The following ADK variants were observed in gnomAD, a reference collection of about 807,000 sequenced individuals.
ADK encodes adenosine kinase.
Under a neutral mutation model 44.7 loss-of-function variants are expected in ADK, and 24 were observed. The observed-to-expected ratio is 0.54, with a 90% CI of 0.39 to 0.76. ADK has a LOEUF of 0.76. Among genes scored for constraint, ADK ranks in the 30% least tolerant of loss-of-function variants. The pLI is 0.00. For missense variants in ADK, 321 were observed against 425.1 expected (o/e 0.76, Z 2.15); for synonymous variants, 128 against 142.6 (o/e 0.90, Z 0.73).
chr10:74,274,492 G>A (rs2132420931), intron 3 of ADK, among the ~76,000 whole-genome samples: 1 of 86,342 alleles, frequency 1.2e-5, no homozygotes, highest in Non-Finnish European at 2.2e-5. Context: ...AACCTGGGAG[G>A]CAGAGGTTGC....
chr10:74,241,197 T>C (rs187525989), intron 3 of ADK, among the ~76,000 whole-genome samples: 14 of 152,344 alleles, frequency 9.2e-5, no homozygotes, highest in African/African-American at 3.4e-4. Flanking sequence ...TATTTTAAAC[T>C]TTTTCTTAGT....
chr10:74,448,297 T>C (rs1433739395), intron 6 of ADK, among the ~76,000 whole-genome samples: 1 of 152,132 alleles, frequency 6.6e-6, no homozygotes, highest in Non-Finnish European at 1.5e-5. Flanking sequence ...CCACTCCATC[T>C]CTTAAAAAGG....
At chr10:74,490,901 C>T (rs1232398185) in intron 6 of ADK, among the ~76,000 whole-genome samples, 2 of 151,962 alleles carry the variant, frequency 1.3e-5, no homozygotes, top group African/African-American at 2.4e-5. Flanking sequence ...TTAGGTACCA[C>T]GTGTTAGATC....
At chr10:74,688,424 A>C (rs1855868785) in intron 10 of ADK, among the ~76,000 whole-genome samples, 1 of 152,242 alleles carries the variant, frequency 6.6e-6, no homozygotes, top group African/African-American at 2.4e-5. Flanking sequence ...TAGAAGACTC[A>C]GTAAATATTA....
intron 7 of ADK, among the ~76,000 whole-genome samples, chr10:74,567,184 T>C (rs1850700383): frequency 6.6e-6 from 1 of 152,228 alleles, no homozygotes; most frequent in South Asian, 2.1e-4. Context: ...AAGCTGATTG[T>C]TCATTTAAGT....
chr10:74,528,537 TAAC>T (rs1406470989), intron 7 of ADK, among the ~76,000 whole-genome samples: 3 of 150,212 alleles, frequency 2.0e-5, no homozygotes, highest in African/African-American at 7.3e-5. Context: ...TCATCAAAAT[TAAC>T]AATTTTTGGG....
intron 3 of ADK, among the ~76,000 whole-genome samples, chr10:74,281,456 A>G (rs915507763): frequency 1.3e-5 from 2 of 152,228 alleles, no homozygotes; most frequent in Non-Finnish European, 2.9e-5. Flanking sequence ...TAGACATTAA[A>G]TTGTTACTTG....
intron 10 of ADK, among the ~76,000 whole-genome samples, chr10:74,679,969 T>C (rs1255246471): frequency 2.3e-5 from 3 of 129,566 alleles, no homozygotes; most frequent in Non-Finnish European, 5.1e-5. Context: ...AAAAACAAAA[T>C]AAAAAGTAAA....
rs1845331600 is a variant in ADK, at chr10:74,244,229, T to C, written c.194+19638T>C. Reference sequence around the variant, plus strand: ...TGCAGTTTTTTCAAAGAAGTATTCATAAGGTAAATTTAGAAAATTATTTTA... The same window carrying C: ...TGCAGTTTTTTCAAAGAAGTATTCACAAGGTAAATTTAGAAAATTATTTTA... On this transcript the variant is annotated intron_variant, in intron 3 of 10. Transcript: ENST00000539909. 2.0e-5 allele frequency among the ~76,000 whole-genome samples: 3 copies of C among 152,348 alleles called. No homozygotes were observed. In the South Asian group the frequency reaches 6.2e-4, roughly 32 times the overall value.
intron 7 of ADK, among the ~76,000 whole-genome samples, chr10:74,583,108 ACT>A (rs1177083501): frequency 5.9e-5 from 9 of 152,212 alleles, no homozygotes; most frequent in Non-Finnish European, 1.2e-4. Context: ...AGTAAAGGTA[ACT>A]CATAGTTTGA....
chr10:74,527,382 A>G (rs1356795035), intron 7 of ADK, among the ~76,000 whole-genome samples: 1 of 152,186 alleles, frequency 6.6e-6, no homozygotes, highest in Non-Finnish European at 1.5e-5. Context: ...CAAAAAAAAA[A>G]AAACATAAAT....
At chr10:74,532,321 T>C (rs76674314) in intron 7 of ADK, among the ~76,000 whole-genome samples, 5,227 of 151,916 alleles carry the variant, frequency 0.034, 152 homozygotes, top group Middle Eastern at 0.054. Flanking sequence ...CTACTAATAA[T>C]ACACAAAATA....
At chr10:74,292,576 C>T (rs537933487) in intron 3 of ADK, among the ~76,000 whole-genome samples, 1 of 152,136 alleles carries the variant, frequency 6.6e-6, no homozygotes, top group Non-Finnish European at 1.5e-5. Context: ...AATCTTTCCT[C>T]TAAAACCTGT....
chr10:74,607,182 T>C (rs529724345), intron 9 of ADK, among the ~76,000 whole-genome samples: 6 of 152,308 alleles, frequency 3.9e-5, no homozygotes, highest in African/African-American at 1.4e-4. Flanking sequence ...TGACTCTTTA[T>C]CCAATTCCCC....
chr10:74,609,077 C>A (rs548877130), intron 9 of ADK, among the ~76,000 whole-genome samples: 1 of 152,160 alleles, frequency 6.6e-6, no homozygotes, highest in South Asian at 2.1e-4. Flanking sequence ...TAATGGCAGT[C>A]GCCCCTTCCC....
chr10:74,371,944 C>T lies in ADK; in HGVS notation c.274-22197C>T, dbSNP rs529174007. Reference sequence around the variant, plus strand: ...GCTGACCACCAGCCTCTCACAGAGGCATCTTACGTTAACCTATCTACCGTT... The same window carrying T: ...GCTGACCACCAGCCTCTCACAGAGGTATCTTACGTTAACCTATCTACCGTT... On this transcript the variant is annotated intron_variant, in intron 4 of 10. Transcript: ENST00000539909. The T allele has an allele frequency of 1.0e-5, 12 of 1,197,424 alleles. No homozygotes were observed. In the African/African-American group the frequency reaches 1.6e-4, roughly 16 times the overall value. The allele number at this position is 1,197,424 out of a possible 1,614,324, so 74.2% of individuals were successfully genotyped here.
intron 4 of ADK, among the ~76,000 whole-genome samples, chr10:74,333,338 T>C (rs1236259087): frequency 6.6e-6 from 1 of 152,186 alleles, no homozygotes; most frequent in Admixed American, 6.5e-5. Flanking sequence ...TGTACTTTAT[T>C]TAGAGAACTA....
chr10:74,598,441 C>CTTTT (rs915433699), intron 8 of ADK, among the ~76,000 whole-genome samples: 9 of 111,768 alleles, frequency 8.1e-5, no homozygotes, highest in Admixed American at 9.0e-5. Flanking sequence ...AATCTTATTC[C>CTTTT]TTTTTTTTTT....
intron 6 of ADK, among the ~76,000 whole-genome samples, chr10:74,447,052 A>G (rs963201166): frequency 6.6e-6 from 1 of 152,168 alleles, no homozygotes; most frequent in African/African-American, 2.4e-5. Context: ...AGCAGGTACT[A>G]TAGGAGGAAA....
Sources: gnomAD v4.1 joint callset for allele counts (sites outside exome capture counted in the v4.1 genomes callset) on GRCh38, gnomAD v4.1.1 for gene constraint, MANE v1.5 for transcripts, NCBI Gene and HGNC (gene_info 2026-07-23, HGNC 2026-07-21) for gene names.